Variants in ABCC9 observed in about 807,000 individuals in gnomAD.
The protein encoded by ABCC9 is ATP binding cassette subfamily C member 9.
Under a neutral mutation model 188.3 loss-of-function variants are expected in ABCC9, and 95 were observed. The observed-to-expected ratio is 0.50, with a 90% confidence interval of 0.43 to 0.60. The LOEUF is 0.60. Ranked by LOEUF, ABCC9 falls within the 20% of genes least tolerant of loss-of-function variation. The pLI is 0.00. For synonymous variants in ABCC9, 659 were observed against 652.7 expected, an observed-to-expected ratio of 1.01 and a Z score of -0.15; for missense variants, 1,102 against 1,876.3, an observed-to-expected ratio of 0.59 and a Z score of 7.62.
At chr12:21,888,249 G>A (rs1946980317) in intron 14 of ABCC9, among the ~76,000 whole-genome samples, 1 of 152,122 alleles carries the variant, frequency 6.6e-6, no homozygotes, top group Non-Finnish European at 1.5e-5. Context: ...GTCAAAAATA[G>A]TGAAGTTGTT....
chr12:21,838,281 A>G, intron 29 of ABCC9, 111 bp from the exon 30 acceptor site: 2 of 869,324 alleles, frequency 2.3e-6, no homozygotes, highest in Non-Finnish European at 3.8e-6. Context: ...TTCCTCATTG[A>G]AATTTTTTCC....
chr12:21,812,258 T>G (rs940384764), intron 35 of ABCC9, 101 bp from the exon 36 acceptor site: 1 of 859,714 alleles, frequency 1.2e-6, no homozygotes, highest in Non-Finnish European at 1.9e-6. Context: ...GGGTTGAAAT[T>G]CAGGAGACCC....
rs149408382 is a variant in ABCC9 at position 21,910,934 on chromosome 12, G to A, written c.1056C>T (p.Tyr352=). The change falls in exon 9 of 40, where the codon TAC becomes TAT. Residue 352 remains tyrosine, a synonymous_variant. Coordinates refer to ENST00000261200, the MANE Select transcript of ABCC9 (RefSeq NM_020297.4). ...CCAAGAAGAGAAGAACTGCTAGAAC[G>A]TAAGCGTTTTCAAGAAATTCCTTTG... is the stretch of plus-strand genomic sequence containing the variant. ...LSSKEFLENA[Y]VLAVLLFLAL... 759 of 1,612,404 alleles carry A rather than the reference G, an allele frequency of 4.7e-4. No homozygotes were observed. In the African/African-American group the frequency reaches 8.7e-3, roughly 19 times the overall value.
intron 31 of ABCC9, among the ~76,000 whole-genome samples, chr12:21,827,861 G>A (rs1943479376): frequency 6.6e-6 from 1 of 152,188 alleles, no homozygotes; most frequent in Non-Finnish European, 1.5e-5. Flanking sequence ...GAGAATCTCT[G>A]TAAACCAGTG....
At chr12:21,923,845 G>T (rs1948938729) in intron 5 of ABCC9, 2 of 700,296 alleles carry the variant, frequency 2.9e-6, no homozygotes. Context: ...TTACTCTCAT[G>T]ATGGCTAAAA....
intron 25 of ABCC9, 61 bp downstream of exon 25, chr12:21,848,088 TA>T: frequency 6.8e-7 from 1 of 1,472,100 alleles, no homozygotes; most frequent in South Asian, 1.1e-5. Flanking sequence ...CACTCACACA[TA>T]AAAAACCCTC....
intron 24 of ABCC9, among the ~76,000 whole-genome samples, chr12:21,851,094 A>G (rs985331778): frequency 6.6e-6 from 1 of 152,060 alleles, no homozygotes; most frequent in Non-Finnish European, 1.5e-5. Context: ...CTAAAATAAT[A>G]TATTTAAATT....
rs73256611 is a variant in ABCC9, at chr12:21,864,394, A to T, written c.2237+45T>A. 316 of 1,324,806 alleles carry T rather than the reference A, an allele frequency of 2.4e-4. 2 individuals carry two copies. The African/African-American group carries it at 4.0e-3, about 17-fold the overall frequency. 82.1% of individuals were successfully genotyped at this position (1,324,806 alleles called of 1,614,324 possible). A position where few individuals can be genotyped will look rare whatever the true frequency, so the allele number is the denominator to read the frequency against. On this transcript the variant is annotated intron_variant, in intron 19 of 39. Coordinates refer to ENST00000261200, the MANE Select transcript of ABCC9 (RefSeq NM_020297.4). ...AGATTAAAGAGATTAAAGTCTGAGGAAGGAAGTTATTCTTATTAAACTCAG... is the reference window on the plus strand; with the variant it reads ...AGATTAAAGAGATTAAAGTCTGAGGTAGGAAGTTATTCTTATTAAACTCAG...
chr12:21,868,464 C>T (rs1010015820), intron 18 of ABCC9, among the ~76,000 whole-genome samples: 8 of 152,160 alleles, frequency 5.3e-5, no homozygotes, highest in Admixed American at 2.0e-4. Flanking sequence ...ACGGTGAAGC[C>T]CTGTCTCTAC....
At chr12:21,919,046 C>G (rs924110233) in intron 5 of ABCC9, among the ~76,000 whole-genome samples, 1 of 151,756 alleles carries the variant, frequency 6.6e-6, no homozygotes, top group Non-Finnish European at 1.5e-5. Flanking sequence ...TCAAGAAGTA[C>G]AACTAAAATA....
intron 31 of ABCC9, among the ~76,000 whole-genome samples, chr12:21,821,543 A>C (rs1943038199): frequency 1.3e-5 from 2 of 152,152 alleles, no homozygotes; most frequent in South Asian, 2.1e-4. Context: ...AATATCAAAA[A>C]TCACTGGGTC....
chr12:21,920,135 C>T (rs773492353), intron 5 of ABCC9, among the ~76,000 whole-genome samples: 3 of 151,948 alleles, frequency 2.0e-5, no homozygotes, highest in South Asian at 2.1e-4. Context: ...ACTAACATTA[C>T]AATTAATTAT....
chr12:21,875,321 G>A lies in ABCC9; in HGVS notation c.2092+333C>T, dbSNP rs113956983. Among the ~76,000 whole-genome samples the A allele has an allele frequency of 7.9e-3, 1,206 of 151,864 alleles. 14 individuals carry two copies. The highest frequency in any genetic ancestry group is 0.027 in the African/African-American group (1,109 of 41,374). On this transcript the variant is annotated intron_variant, in intron 17 of 39. Coordinates refer to ENST00000261200, the MANE Select transcript of ABCC9 (RefSeq NM_020297.4). ...CTTGAAAACTTCATCAGTATTTCTC[G>A]CAAACAGAAAATAAGTTTCTCATAT...
chr12:21,827,347 C>T, intron 31 of ABCC9: 1 of 982,382 alleles, frequency 1.0e-6, no homozygotes, highest in Non-Finnish European at 1.2e-6. Context: ...GTCAGACTCT[C>T]ACCTCAAGTC....
At chr12:21,933,206 TG>T in intron 4 of ABCC9, among the ~76,000 whole-genome samples, 2 of 151,476 alleles carry the variant, frequency 1.3e-5, no homozygotes, top group Non-Finnish European at 2.9e-5. Context: ...CAACACACAC[TG>T]GGGCTTTTGC....
rs1592210649 is a variant in ABCC9, at chr12:21,910,074, C to T, written c.1320+83G>A. The T allele has an allele frequency of 3.7e-6, 5 of 1,342,016 alleles. No individual in the cohort carries two copies. In the East Asian group the frequency reaches 1.2e-4, roughly 31 times the overall value. The allele number at this position is 1,342,016 out of a possible 1,614,324, so 83.1% of individuals were successfully genotyped here. ...ATTTGCACATTCAAAAACTATACAC[C>T]TTTTACAGAGCTAAATACATTACTG... On this transcript the variant is annotated intron_variant, in intron 10 of 39. Transcript: ENST00000261200.
chr12:21,890,993 A>G (rs73077035), intron 14 of ABCC9, among the ~76,000 whole-genome samples: 1,813 of 152,160 alleles, frequency 0.012, 18 homozygotes, highest in Non-Finnish European at 0.02. Flanking sequence ...TAAAAAAAAA[A>G]ATCTTTACTG....
At chr12:21,820,278 G>T (rs149598664) in intron 31 of ABCC9, among the ~76,000 whole-genome samples, 1 of 151,924 alleles carries the variant, frequency 6.6e-6, no homozygotes, top group East Asian at 1.9e-4. Context: ...TGGCTTCTGA[G>T]AAATTTCTGT....
At chr12:21,853,469 T>G (rs1285829342) in intron 22 of ABCC9, among the ~76,000 whole-genome samples, 5 of 152,088 alleles carry the variant, frequency 3.3e-5, no homozygotes, top group Non-Finnish European at 7.4e-5. Context: ...GCTATTATTA[T>G]TATTATTATA....
Sources: gnomAD v4.1 joint callset for allele counts (sites outside exome capture counted in the v4.1 genomes callset) on GRCh38, gnomAD v4.1.1 for gene constraint, MANE v1.5 for transcripts, NCBI Gene and HGNC (gene_info 2026-07-23, HGNC 2026-07-21) for gene names.